The following GJA8 variants were observed in gnomAD, a reference collection of about 807,000 sequenced individuals.
GJA8 encodes gap junction protein alpha 8, also known as gap junction alpha-8 protein.
A neutral mutation model predicts 15.3 loss-of-function variants in GJA8; 13 were observed. That is an observed-to-expected ratio of 0.85 (90% CI 0.55 to 1.35). The LOEUF (loss-of-function observed/expected upper bound fraction) is 1.35. Ranked by LOEUF, GJA8 falls within the 40% of genes most tolerant of loss-of-function variation. GJA8 has a pLI of 0.00. For synonymous variants in GJA8, 304 were observed against 238.7 expected (o/e 1.27, Z -2.52); for missense variants, 607 against 553.3 (o/e 1.10, Z -0.97).
At chr1:147,907,130 T>C (rs1651829860) in intron 1 of GJA8, among the ~76,000 whole-genome samples, 1 of 152,134 alleles carries the variant, frequency 6.6e-6, no homozygotes, top group African/African-American at 2.4e-5. Context: ...CAAGTGATTC[T>C]CTTGCCCTGG....
At chr1:147,913,536 T>C (rs587706171), downstream of GJA8, among the ~76,000 whole-genome samples, 145 of 152,278 alleles carry the variant, frequency 9.5e-4, no homozygotes, top group Non-Finnish European at 1.7e-3. Context: ...CTCTGACTCA[T>C]GGCAGAAGGG....
At chr1:147,903,193 T>A (rs782303328) in intron 1 of GJA8, among the ~76,000 whole-genome samples, 5 of 152,208 alleles carry the variant, frequency 3.3e-5, no homozygotes, top group Admixed American at 6.5e-5. Flanking sequence ...TATTTGATAT[T>A]TATGAAAAAG....
At chr1:147,914,104 A>G (rs975722076), downstream of GJA8, among the ~76,000 whole-genome samples, 1 of 152,178 alleles carries the variant, frequency 6.6e-6, no homozygotes, top group East Asian at 1.9e-4. Flanking sequence ...AGTGGTATTC[A>G]GCTCTGGGAA....
chr1:147,908,089 G>A lies in GJA8; in HGVS notation c.134G>A (p.Trp45Ter). 1.9e-6 allele frequency: 3 copies of A among 1,614,064 alleles called. No homozygotes were observed. The highest frequency in any genetic ancestry group is 1.3e-5 in the African/African-American group (1 of 75,028). The change falls in exon 2 of 2, where the codon TGG (tryptophan) becomes TAG (stop). Residue 45 changes from tryptophan to a stop codon, truncating the protein, a stop_gained. Coordinates refer to ENST00000369235, the MANE Select transcript of GJA8 (RefSeq NM_005267.5). LOFTEE classifies it high-confidence loss of function. Reference protein sequence around the residue: ...LILGTAAEFVWGDEQSDFVCN... With the variant: ...LILGTAAEFV ...CTTGGCACGGCCGCAGAGTTCGTGT[G>A]GGGGGATGAGCAATCCGACTTCGTG...
intron 1 of GJA8, among the ~76,000 whole-genome samples, chr1:147,905,392 T>C (rs1451329111): frequency 6.6e-6 from 1 of 152,210 alleles, no homozygotes; most frequent in African/African-American, 2.4e-5. Flanking sequence ...TGAGAGCATG[T>C]GCTCATCACA....
Position 147,908,620 on chromosome 1 carries a change from TG to T in GJA8, c.667del (p.Glu223SerfsTer7). ...VASVSLFLNV[M>X]ELGHLGLKGI... ...TCTGTGTCCCTATTCCTCAACGTGA[TG>T]GAGTTGGGCCACCTGGGCCTGAAGG... On this transcript the variant is annotated frameshift_variant, in exon 2 of 2. Transcript: ENST00000369235. LOFTEE classifies it low-confidence loss of function (END_TRUNC). 1 of 1,614,052 alleles carries T rather than the reference TG, an allele frequency of 6.2e-7. No homozygotes were observed. Among genetic ancestry groups the T allele is most frequent in the Non-Finnish European group, 8.5e-7 (1 of 1,180,008 alleles).
intron 1 of GJA8, among the ~76,000 whole-genome samples, chr1:147,904,079 C>T (rs1651703615): frequency 6.6e-6 from 1 of 151,706 alleles, no homozygotes. Context: ...TTACAGGTGC[C>T]CCACCACCGT....
chr1:147,907,146 C>G (rs1651830867), intron 1 of GJA8, among the ~76,000 whole-genome samples: 1 of 152,088 alleles, frequency 6.6e-6, no homozygotes, highest in Non-Finnish European at 1.5e-5. Flanking sequence ...CCTGGCCTCC[C>G]AAAGTTCTAG....
Position 147,908,688 on chromosome 1 carries a change from G to A in GJA8, c.733G>A (p.Gly245Arg), listed in dbSNP as rs782112198. The part of the protein sequence containing the change: ...ALKRPVEQPL[G>R]EIPEKSLHSI... ...GAAGAGGCCTGTAGAGCAGCCCCTGGGGGAGATTCCTGAGAAATCCCTCCA... is the reference window on the plus strand; with the variant it reads ...GAAGAGGCCTGTAGAGCAGCCCCTGAGGGAGATTCCTGAGAAATCCCTCCA... Residue 245 changes from glycine (G) to arginine (R), a missense_variant, in exon 2 of 2, where the codon GGG becomes AGG. By Grantham distance (125) the Gly-to-Arg change is moderately radical (BLOSUM62 -2). Transcript: ENST00000369235. 6.2e-7 allele frequency: 1 copy of A among 1,614,034 alleles called. No homozygotes were observed. The highest frequency in any genetic ancestry group is 8.5e-7 in the Non-Finnish European group (1 of 1,180,024).
chr1:147,911,115 G>A (rs1652102354), downstream of GJA8, among the ~76,000 whole-genome samples: 1 of 152,190 alleles, frequency 6.6e-6, no homozygotes, highest in African/African-American at 2.4e-5. Context: ...AGGAGGTATA[G>A]AAACCAAGTT....
In GJA8 at chr1:147,909,161, T is replaced by G; in HGVS notation, c.1206T>G (p.Pro402=). ...AAGGGCTGCCAGCTGAGAAGACACC[T>G]TCACTCTGTCCAGAGCTGACAACAG... ...SKQGLPAEKT[P]SLCPELTTDD... is the part of the protein sequence containing the mutation. The change falls in exon 2 of 2, where the codon CCT becomes CCG. Residue 402 remains proline, a synonymous_variant. Transcript: ENST00000369235. The G allele has an allele frequency of 6.2e-7, 1 of 1,613,934 alleles. No homozygotes were observed. The highest frequency in any genetic ancestry group is 8.5e-7 in the Non-Finnish European group (1 of 1,179,976).
At chr1:147,903,553 G>A (rs1375980733) in intron 1 of GJA8, among the ~76,000 whole-genome samples, 5 of 152,160 alleles carry the variant, frequency 3.3e-5, no homozygotes, top group African/African-American at 1.2e-4. Flanking sequence ...GCTGTAATGG[G>A]CTTAGATCTA....
chr1:147,910,410 A>C (rs986132751), downstream of GJA8, among the ~76,000 whole-genome samples: 408 of 152,252 alleles, frequency 2.7e-3, 8 homozygotes, highest in East Asian at 7.7e-4. Flanking sequence ...TTAAATCATC[A>C]GTCCAGGAGA....
chr1:147,909,720 CAT>C (rs1558011652), downstream of GJA8, among the ~76,000 whole-genome samples: 1 of 152,186 alleles, frequency 6.6e-6, no homozygotes, highest in African/African-American at 2.4e-5. Flanking sequence ...AGACAGGTGA[CAT>C]AAGTTGCAAG....
At chr1:147,913,566 A>T (rs1553243724), downstream of GJA8, among the ~76,000 whole-genome samples, 2 of 152,190 alleles carry the variant, frequency 1.3e-5, no homozygotes, top group Non-Finnish European at 2.9e-5. Context: ...ATACGGAAAG[A>T]GCTGCATGCA....
downstream of GJA8, among the ~76,000 whole-genome samples, chr1:147,910,306 G>A (rs1418824449): frequency 6.6e-6 from 1 of 152,178 alleles, no homozygotes; most frequent in Non-Finnish European, 1.5e-5. Context: ...ATGCTAATTA[G>A]CCCAGCTTTC....
chr1:147,908,319 G>A lies in GJA8; in HGVS notation c.364G>A (p.Gly122Ser), dbSNP rs1553242652. Residue 122 changes from glycine (G) to serine (S), a missense_variant, in exon 2 of 2, where the codon GGC becomes AGC. Physicochemically the swap from Gly to Ser is moderately conservative, Grantham distance 56. Coordinates refer to ENST00000369235, the MANE Select transcript of GJA8 (RefSeq NM_005267.5). ...GCTGGGCCAGCAGGCGGGGACTAAC[G>A]GCGGCCCGGACCAGGGCAGCGTCAA... is the stretch of plus-strand genomic sequence containing the variant. Reference protein sequence around the residue: ...EELGQQAGTNGGPDQGSVKKS... With the variant: ...EELGQQAGTNSGPDQGSVKKS... The A allele has an allele frequency of 6.2e-7, 1 of 1,614,170 alleles. No individual in the cohort carries two copies. Among genetic ancestry groups the A allele is most frequent in the Non-Finnish European group, 8.5e-7 (1 of 1,180,020 alleles).
At chr1:147,912,729 C>T (rs1652216138), downstream of GJA8, among the ~76,000 whole-genome samples, 1 of 151,978 alleles carries the variant, frequency 6.6e-6, no homozygotes, top group African/African-American at 2.4e-5. Flanking sequence ...GACAGCGGGA[C>T]ATCAGTAGTA....
At chr1:147,904,739 G>A (rs1161012163) in intron 1 of GJA8, among the ~76,000 whole-genome samples, 1 of 152,170 alleles carries the variant, frequency 6.6e-6, no homozygotes, top group Non-Finnish European at 1.5e-5. Flanking sequence ...CAGCTCTAAA[G>A]TGTCTCTCCT....
Sources: gnomAD v4.1 joint callset for allele counts (sites outside exome capture counted in the v4.1 genomes callset) on GRCh38, gnomAD v4.1.1 for gene constraint, MANE v1.5 for transcripts, NCBI Gene and HGNC (gene_info 2026-07-23, HGNC 2026-07-21) for gene names.